SLC44A5: variants seen among roughly 807,000 people sequenced by gnomAD.
The protein encoded by SLC44A5 is solute carrier family 44 member 5.
Under a neutral mutation model 101.8 loss-of-function variants are expected in SLC44A5, and 57 were observed. That is an observed-to-expected ratio of 0.56 (90% CI 0.45 to 0.70). The LOEUF (loss-of-function observed/expected upper bound fraction) is 0.70, where lower values mean the gene tolerates loss of function less well. Ranked by LOEUF, SLC44A5 falls within the 30% of genes least tolerant of loss-of-function variation. SLC44A5 has a pLI of 0.00. For missense variants in SLC44A5, 737 were observed against 853.1 expected (o/e 0.86, Z 1.70); for synonymous variants, 281 against 290.9 (o/e 0.97, Z 0.35).
In SLC44A5 at chr1:75,407,470, G is replaced by T. The variant is rs550896093; in HGVS notation, c.14-10849C>A. Among the ~76,000 whole-genome samples the T allele has an allele frequency of 7.2e-5, 11 of 152,224 alleles. No individual in the cohort carries two copies. In the East Asian group the frequency reaches 2.1e-3, roughly 29 times the overall value. Reference sequence around the variant, plus strand: ...ACCTGACTTCAAACTATACTACAAGGCTACAGTAACCAAAACAGCATGGTA... The same window carrying T: ...ACCTGACTTCAAACTATACTACAAGTCTACAGTAACCAAAACAGCATGGTA... On this transcript the variant is annotated intron_variant, in intron 2 of 23. Coordinates refer to ENST00000370859, the MANE Select transcript of SLC44A5 (RefSeq NM_001130058.2).
chr1:75,597,425 T>C (rs1674705293), intron 1 of SLC44A5, among the ~76,000 whole-genome samples: 3 of 152,126 alleles, frequency 2.0e-5, no homozygotes, highest in African/African-American at 7.2e-5. Context: ...ACATTGATAT[T>C]CTTCACTGAA....
At chr1:75,406,420 T>G (rs1261894277) in intron 2 of SLC44A5, among the ~76,000 whole-genome samples, 2 of 152,084 alleles carry the variant, frequency 1.3e-5, no homozygotes, top group African/African-American at 4.8e-5. Flanking sequence ...AAAAGAAAAT[T>G]TCAGGCCAGT....
rs1400570985 is a variant in SLC44A5 at position 75,238,579 on chromosome 1, C to T, written c.590G>A (p.Ser197Asn). Residue 197 changes from serine (S) to asparagine (N), a missense_variant, in exon 10 of 24, where the codon AGT becomes AAT. Physicochemically the swap from Ser to Asn is conservative, Grantham distance 46. Transcript: ENST00000370859. ...ATTTCCATCTTGAAACATCATCTTACTTCCTATTGTTAAAGTGCCATTTTT... is the reference window on the plus strand; with the variant it reads ...ATTTCCATCTTGAAACATCATCTTATTTCCTATTGTTAAAGTGCCATTTTT... ...STKNGTLTIG[S>N]KMMFQDGNGG... 8 of 1,595,768 alleles carry T rather than the reference C, an allele frequency of 5.0e-6. No homozygotes were observed. Among genetic ancestry groups the T allele is most frequent in the Non-Finnish European group, 6.8e-6 (8 of 1,170,760 alleles).
At chr1:75,712,697 G>GAAAAAAAAAAAAAAAAAAAAAAGA in the SLC44A5 span, among the ~76,000 whole-genome samples, 1 of 22,122 alleles carries the variant, frequency 4.5e-5, no homozygotes, top group Non-Finnish European at 1.0e-4. Flanking sequence ...AAGCATTTGA[G>GAAAAAAAAAAAAAAAAAAAAAAGA]AAAAAAAAAA....
chr1:75,561,715 G>C (rs1231077973), intron 1 of SLC44A5, among the ~76,000 whole-genome samples: 1 of 152,124 alleles, frequency 6.6e-6, no homozygotes, highest in Non-Finnish European at 1.5e-5. Flanking sequence ...ACTGTTTGCA[G>C]AATAAGAGTT....
chr1:75,436,259 A>C (rs923592216), intron 2 of SLC44A5, among the ~76,000 whole-genome samples: 3 of 152,102 alleles, frequency 2.0e-5, no homozygotes, highest in Non-Finnish European at 2.9e-5. Context: ...ATCACGATGA[A>C]TTTAAGTAAT....
At chr1:75,451,524 A>T in intron 2 of SLC44A5, among the ~76,000 whole-genome samples, 1 of 152,068 alleles carries the variant, frequency 6.6e-6, no homozygotes, top group East Asian at 1.9e-4. Flanking sequence ...AAAAAGAAAA[A>T]AATAAAAAAT....
At chr1:75,720,753 G>A in the SLC44A5 span, among the ~76,000 whole-genome samples, 2 of 152,012 alleles carry the variant, frequency 1.3e-5, no homozygotes, top group Admixed American at 6.6e-5. Flanking sequence ...TTGGGGTGCA[G>A]GTTGGTTTTA....
At chr1:75,529,780 C>G (rs1306412410) in intron 2 of SLC44A5, among the ~76,000 whole-genome samples, 1 of 152,030 alleles carries the variant, frequency 6.6e-6, no homozygotes, top group African/African-American at 2.4e-5. Flanking sequence ...TGTACTAATC[C>G]CCTCTAGAAG....
chr1:75,668,562 T>G, the SLC44A5 span, among the ~76,000 whole-genome samples: 2 of 151,114 alleles, frequency 1.3e-5, no homozygotes, highest in African/African-American at 2.5e-5. Flanking sequence ...GTTCAAGTGA[T>G]CTGCCTGCCT....
chr1:75,214,999 T>C (rs1458538239), intron 19 of SLC44A5, among the ~76,000 whole-genome samples: 1 of 152,160 alleles, frequency 6.6e-6, no homozygotes, highest in African/African-American at 2.4e-5. Flanking sequence ...CTAGAGTTTA[T>C]TGCTAAAAAG....
intron 1 of SLC44A5, among the ~76,000 whole-genome samples, chr1:75,590,995 C>CT (rs1382472899): frequency 4.6e-5 from 7 of 152,248 alleles, no homozygotes; most frequent in African/African-American, 1.7e-4. Context: ...TGGCGAGACC[C>CT]TGCACTGGGC....
At position 75,253,890 on chromosome 1, in the gene SLC44A5, T is replaced by C. The variant is rs183585686; in HGVS notation, c.261-2596A>G. On this transcript the variant is annotated intron_variant, in intron 6 of 23. Transcript: ENST00000370859. ...CCACTCTAGACACTTATCAGATGTT[T>C]TGGAATGAATGAGACCAATTCCATA... is the stretch of plus-strand genomic sequence containing the variant. Among the ~76,000 whole-genome samples, 35 of 152,298 alleles carry C rather than the reference T, an allele frequency of 2.3e-4. 1 individual carries two copies. The highest frequency in any genetic ancestry group is 8.2e-4 in the African/African-American group (34 of 41,544).
chr1:75,561,177 C>T (rs1404759963), intron 1 of SLC44A5, among the ~76,000 whole-genome samples: 4 of 152,044 alleles, frequency 2.6e-5, no homozygotes, highest in South Asian at 2.1e-4. Flanking sequence ...CATAATCTGT[C>T]CTTTGTAATA....
intron 3 of SLC44A5, among the ~76,000 whole-genome samples, chr1:75,340,360 C>T (rs1700909): frequency 0.053 from 8,123 of 152,124 alleles, 775 homozygotes; most frequent in African/African-American, 0.19. Flanking sequence ...CAAGGGTGTG[C>T]ATTTTGCAAT....
At chr1:75,634,766 G>A in the SLC44A5 span, among the ~76,000 whole-genome samples, 3 of 151,858 alleles carry the variant, frequency 2.0e-5, no homozygotes, top group African/African-American at 7.3e-5. Context: ...AGGACTTCAT[G>A]TCTAAAACAC....
intron 2 of SLC44A5, among the ~76,000 whole-genome samples, chr1:75,459,899 G>T (rs1343535464): frequency 6.6e-6 from 1 of 152,136 alleles, no homozygotes; most frequent in Non-Finnish European, 1.5e-5. Context: ...AAATCCTCCT[G>T]CTGCAGTTGG....
At chr1:75,712,702 A>AC in the SLC44A5 span, among the ~76,000 whole-genome samples, 1 of 131,958 alleles carries the variant, frequency 7.6e-6, no homozygotes, top group Non-Finnish European at 1.6e-5. Context: ...TTTGAGAAAA[A>AC]AAAAAAAAAA....
the SLC44A5 span, among the ~76,000 whole-genome samples, chr1:75,708,779 T>C: frequency 6.6e-6 from 1 of 152,198 alleles, no homozygotes; most frequent in South Asian, 2.1e-4. Flanking sequence ...AATAAGATTA[T>C]AAATATATGT....
Sources: allele counts gnomAD v4.1 joint callset (sites outside exome capture counted in the v4.1 genomes callset), GRCh38; gene constraint gnomAD v4.1.1; transcripts MANE v1.5; gene names NCBI Gene and HGNC (gene_info 2026-07-23, HGNC 2026-07-21).